C16orf89: variants seen among roughly 807,000 people sequenced by gnomAD.
C16orf89 encodes UPF0764 protein C16orf89.
A neutral mutation model predicts 41.5 loss-of-function variants in C16orf89; 57 were observed. That is an observed-to-expected ratio of 1.38 (90% confidence interval 1.11 to 1.71). The LOEUF is 1.71. Ranked by LOEUF, C16orf89 falls within the 40% of genes most tolerant of loss-of-function variation. The pLI is 0.00. For synonymous variants in C16orf89, 223 were observed against 190.6 expected (o/e 1.17, Z -1.40); for missense variants, 575 against 445.9 (o/e 1.29, Z -2.61).
rs376300846 is a variant in C16orf89, at chr16:5,044,446, C to A, written c.988G>T (p.Val330Leu). Reference protein sequence around the residue: ...GCSSHNTATAVAALGGFLYIL... With the variant: ...GCSSHNTATALAALGGFLYIL... ...TATAGGAAGCCACCCAGGGCTGCCA[C>A]TGCTGTGGCTGTGTTGTGGGAGGAG... The change falls in exon 8 of 8, where the codon GTG becomes TTG. Residue 330 changes from valine (V) to leucine (L), a missense_variant. Physicochemically the swap from Val to Leu is conservative, Grantham distance 32 (BLOSUM62 1). Coordinates refer to ENST00000472572, the MANE Select transcript of C16orf89 (RefSeq NM_001098514.3). 3 of 1,612,908 alleles carry A rather than the reference C, an allele frequency of 1.9e-6. No individual in the cohort carries two copies. The highest frequency in any genetic ancestry group is 2.7e-5 in the African/African-American group (2 of 74,876).
At position 5,061,504 on chromosome 16, in the gene C16orf89, A is replaced by AGAAC. The variant is rs1567159542; in HGVS notation, c.358+920_358+921insGTTC. On this transcript the variant is annotated intron_variant, in intron 2 of 7. Coordinates refer to ENST00000472572, the MANE Select transcript of C16orf89 (RefSeq NM_001098514.3). ...TGTCTCAAAAAAAAAAAAAAAAAAA[A>AGAAC]CCCCCCCAAAAAAAAAAACAAGTGG... Among the ~76,000 whole-genome samples, 8 of 62,616 alleles carry AGAAC rather than the reference A, an allele frequency of 1.3e-4. 1 individual carries two copies. Among genetic ancestry groups the AGAAC allele is most frequent in the East Asian group, 9.7e-4 (1 of 1,032 alleles). The allele number at this position is 62,616 out of a possible 152,430, so 41.1% of individuals were successfully genotyped here.
At position 5,044,184 on chromosome 16, in the gene C16orf89, C is replaced by T; in HGVS notation, c.*164G>A. ...GGGTCCCTCCCGGCCCCCACCTACC[C>T]TGGCCTTGCCTACTCAGGGCTTCCA... On this transcript the variant is annotated 3_prime_UTR_variant, in exon 8 of 8. Transcript: ENST00000472572. 6 of 1,388,934 alleles carry T rather than the reference C, an allele frequency of 4.3e-6. No individual in the cohort carries two copies. The South Asian group carries it at 8.5e-5, about 20-fold the overall frequency. The allele number at this position is 1,388,934 out of a possible 1,614,324, so 86.0% of individuals were successfully genotyped here. A position where few individuals can be genotyped will look rare whatever the true frequency, so the allele number is the denominator to read the frequency against.
At chr16:5,045,384 C>G (rs1169933835) in intron 7 of C16orf89, among the ~76,000 whole-genome samples, 1 of 152,202 alleles carries the variant, frequency 6.6e-6, no homozygotes, top group Non-Finnish European at 1.5e-5. Flanking sequence ...GGCCTGAGCA[C>G]TTGCCTGAGA....
At position 5,065,884 on chromosome 16, in the gene C16orf89, G is replaced by A. The variant is rs1956731791; in HGVS notation, c.25C>T (p.Leu9=). 1 of 1,613,940 alleles carries A rather than the reference G, an allele frequency of 6.2e-7. No homozygotes were observed. Among genetic ancestry groups the A allele is most frequent in the Non-Finnish European group, 8.5e-7 (1 of 1,179,976 alleles). MASLGLLL[L]LLLTALPPLW... ...GGTGGCAGTGCTGTCAGTAAGAGCA[G>A]GAGCAGCAGCCCCAGGCTGGCCATG... Residue 9 remains leucine, a synonymous_variant, in exon 1 of 8, where the codon CTG becomes TTG. Coordinates refer to ENST00000472572, the MANE Select transcript of C16orf89 (RefSeq NM_001098514.3).
At chr16:5,059,803 C>G (rs949059317) in intron 3 of C16orf89, among the ~76,000 whole-genome samples, 9 of 152,064 alleles carry the variant, frequency 5.9e-5, no homozygotes, top group African/African-American at 2.2e-4. Context: ...AGGAGAGGCC[C>G]TCACAGGAGG....
intron 6 of C16orf89, among the ~76,000 whole-genome samples, chr16:5,050,375 A>G (rs903648269): frequency 1.3e-5 from 2 of 152,168 alleles, no homozygotes; most frequent in African/African-American, 4.8e-5. Context: ...CTCCAAAAAA[A>G]AAAAGAAAAC....
chr16:5,043,101 C>G (rs1339774053), downstream of C16orf89: 1 of 152,168 alleles, frequency 6.6e-6, no homozygotes, highest in Non-Finnish European at 1.5e-5. Flanking sequence ...ACTCTGTTAC[C>G]CAGGCTGGAG....
chr16:5,051,944 A>G (rs1339296848), intron 6 of C16orf89, among the ~76,000 whole-genome samples: 1 of 151,994 alleles, frequency 6.6e-6, no homozygotes, highest in Non-Finnish European at 1.5e-5. Context: ...TACTGAAAAT[A>G]CAAATATTAG....
In C16orf89 at chr16:5,062,409, C is replaced by A. The variant is rs1344013981; in HGVS notation, c.358+16G>T. ...GCGCTATTCCTGAGGGAATGGGACA[C>A]CCTGCGTGTGCTCACCTCTTAGGTA... On this transcript the variant is annotated intron_variant, in intron 2 of 7. Coordinates refer to ENST00000472572, the MANE Select transcript of C16orf89 (RefSeq NM_001098514.3). 2.5e-6 allele frequency: 4 copies of A among 1,603,416 alleles called. No individual in the cohort carries two copies. Among genetic ancestry groups the A allele is most frequent in the Admixed American group, 3.4e-5 (2 of 58,450 alleles).
chr16:5,044,898 A>T (rs956560108), intron 7 of C16orf89: 10 of 1,250,086 alleles, frequency 8.0e-6, no homozygotes, highest in Non-Finnish European at 1.0e-5. Context: ...CAAGACGCTG[A>T]GTGGGTGCTT....
At chr16:5,058,435 C>G in intron 4 of C16orf89, 58 bp downstream of exon 4, 1 of 1,459,652 alleles carries the variant, frequency 6.9e-7, no homozygotes. Context: ...GTCCGGCTGC[C>G]CCTTTTCCTT....
In C16orf89 at chr16:5,047,905, C is replaced by G; in HGVS notation, c.928G>C (p.Val310Leu). ...GGAAATTGTTTTTCTCGCCTCTTCA[C>G]TCTCCTCGAAAAATGCTGCTGATAT... ...IQYQQHFSRR[V>L]KRREKQFPDG... Residue 310 changes from valine to leucine, a missense_variant, in exon 7 of 8, where the codon GTG becomes CTG. Coordinates refer to ENST00000472572, the MANE Select transcript of C16orf89 (RefSeq NM_001098514.3). 4 of 1,602,122 alleles carry G rather than the reference C, an allele frequency of 2.5e-6. No homozygotes were observed. Among genetic ancestry groups the G allele is most frequent in the Non-Finnish European group, 3.4e-6 (4 of 1,170,072 alleles).
At chr16:5,062,725 G>C (rs1301896976) in intron 1 of C16orf89, 151 bp from the exon 2 acceptor site, 1 of 889,334 alleles carries the variant, frequency 1.1e-6, no homozygotes, top group Non-Finnish European at 1.7e-6. Flanking sequence ...TTACTGAGCT[G>C]ACTGGAAATG....
intron 4 of C16orf89, among the ~76,000 whole-genome samples, chr16:5,056,904 T>C (rs900110907): frequency 6.6e-6 from 1 of 152,158 alleles, no homozygotes; most frequent in Non-Finnish European, 1.5e-5. Flanking sequence ...TGAATCACAT[T>C]GTTTTTTGAA....
At chr16:5,048,800 A>G (rs1269264006) in intron 6 of C16orf89, among the ~76,000 whole-genome samples, 1 of 152,210 alleles carries the variant, frequency 6.6e-6, no homozygotes, top group African/African-American at 2.4e-5. Flanking sequence ...GAAGAAAAAA[A>G]AATCAAAGGA....
chr16:5,044,555 C>T, intron 7 of C16orf89, 77 bp from the exon 8 acceptor site: 1 of 1,588,524 alleles, frequency 6.3e-7, no homozygotes, highest in Non-Finnish European at 8.6e-7. Flanking sequence ...ATTGAAAGTG[C>T]TTTTCAGCCA....
chr16:5,061,940 C>A (rs1956635258), intron 2 of C16orf89, among the ~76,000 whole-genome samples: 1 of 152,140 alleles, frequency 6.6e-6, no homozygotes, highest in African/African-American at 2.4e-5. Context: ...GAGAGACTCT[C>A]AGTGGTCATA....
At chr16:5,053,126 T>C (rs1349234324) in intron 6 of C16orf89, among the ~76,000 whole-genome samples, 1 of 152,062 alleles carries the variant, frequency 6.6e-6, no homozygotes, top group African/African-American at 2.4e-5. Flanking sequence ...TCCCAGCACT[T>C]TGGGAGGCCG....
chr16:5,058,435 C>A, intron 4 of C16orf89, 58 bp downstream of exon 4: 1 of 1,459,652 alleles, frequency 6.9e-7, no homozygotes, highest in South Asian at 1.2e-5. Flanking sequence ...GTCCGGCTGC[C>A]CCTTTTCCTT....
Sources: allele counts gnomAD v4.1 joint callset (sites outside exome capture counted in the v4.1 genomes callset), GRCh38; gene constraint gnomAD v4.1.1; transcripts MANE v1.5; gene names NCBI Gene and HGNC (gene_info 2026-07-23, HGNC 2026-07-21).